Variants in ANKRD12 observed in about 807,000 individuals in gnomAD.
ANKRD12 encodes the protein ankyrin repeat domain-containing protein 12.
ANKRD12 carries 85 observed loss-of-function variants against 183.4 expected under a neutral mutation model. The observed-to-expected ratio is 0.46, with a 90% CI of 0.39 to 0.56. ANKRD12 has a LOEUF of 0.56. ANKRD12 is among the 20% of genes least tolerant of loss of function. The probability of loss-of-function intolerance (pLI) is 0.00; values close to 1 mark genes in which losing one functional copy is unlikely to be tolerated. For synonymous variants in ANKRD12, 914 were observed against 800.2 expected (o/e 1.14, Z -2.40); for missense variants, 2,405 against 2,357.1 (o/e 1.02, Z -0.42).
intron 5 of ANKRD12, among the ~76,000 whole-genome samples, chr18:9,209,196 T>TA (rs2035644764): frequency 6.6e-6 from 1 of 152,186 alleles, no homozygotes; most frequent in African/African-American, 2.4e-5. Flanking sequence ...GATGATGACT[T>TA]ACCAGCAGGA....
intron 7 of ANKRD12, among the ~76,000 whole-genome samples, chr18:9,218,819 C>T (rs539099940): frequency 1.3e-5 from 2 of 152,086 alleles, no homozygotes; most frequent in South Asian, 4.2e-4. Context: ...CAGGCACGCA[C>T]ACCATGCTAG....
rs202107981 is a variant in ANKRD12 at position 9,256,231 on chromosome 18, C to G, written c.2964C>G (p.Asp988Glu). The change falls in exon 9 of 13, where the codon GAC (aspartate) becomes GAG (glutamate). Residue 988 changes from aspartate to glutamate, a missense_variant. Physicochemically the swap from Asp to Glu is conservative, Grantham distance 45. This residue lies in a region of ANKRD12 where 1,983 missense variants were observed against 1,725.9 expected (regional missense o/e 1.15). Transcript: ENST00000262126. ...AAGAAAAAAAATCAAGTATAGTAGA[C>G]GGTAATAAAGCACAACATGAAAAAC... ...IQEEKKSSIVDGNKAQHEKPL... is the reference protein window; with the variant it reads ...IQEEKKSSIVEGNKAQHEKPL... 5 of 1,594,060 alleles carry G rather than the reference C, an allele frequency of 3.1e-6. No homozygotes were observed. The highest frequency in any genetic ancestry group is 1.8e-5 in the Admixed American group (1 of 55,362).
At position 9,277,311 on chromosome 18, in the gene ANKRD12, C is replaced by T. The variant is rs568968483; in HGVS notation, c.5907+1644C>T. The stretch of plus-strand genomic sequence containing the variant: ...CACTCCAGCCTGGATGACAGAGTGA[C>T]ACCCTGTTTCTTTTTTTTTTTTTTT... On this transcript the variant is annotated intron_variant, in intron 11 of 12. Coordinates refer to ENST00000262126, the MANE Select transcript of ANKRD12 (RefSeq NM_015208.5). 3.0e-3 allele frequency among the ~76,000 whole-genome samples: 446 copies of T among 148,568 alleles called. 1 individual carries two copies. Among genetic ancestry groups the T allele is most frequent in the South Asian group, 8.2e-3 (38 of 4,628 alleles).
intron 2 of ANKRD12, 43 bp from the exon 3 acceptor site, chr18:9,195,508 A>G: frequency 6.8e-7 from 1 of 1,469,706 alleles, no homozygotes; most frequent in Non-Finnish European, 9.2e-7. Context: ...TGTATTGCTT[A>G]GCTAATATTG....
At chr18:9,191,421 C>T (rs992763370) in intron 2 of ANKRD12, among the ~76,000 whole-genome samples, 2 of 152,026 alleles carry the variant, frequency 1.3e-5, no homozygotes, top group African/African-American at 2.4e-5. Context: ...CCGTATTGCA[C>T]AGGAGAACAT....
intron 1 of ANKRD12, among the ~76,000 whole-genome samples, chr18:9,142,392 T>C (rs549114721): frequency 5.9e-4 from 90 of 152,332 alleles, no homozygotes; most frequent in African/African-American, 2.1e-3. Flanking sequence ...TAAAAGTATC[T>C]GGAGTAATGT....
At position 9,255,095 on chromosome 18, in the gene ANKRD12, A is replaced by G. The variant is rs2145176446; in HGVS notation, c.1828A>G (p.Lys610Glu). 2 of 1,579,968 alleles carry G rather than the reference A, an allele frequency of 1.3e-6. No homozygotes were observed. Among genetic ancestry groups the G allele is most frequent in the East Asian group, 2.3e-5 (1 of 44,362 alleles). The change falls in exon 9 of 13, where the codon AAA becomes GAA. Residue 610 changes from lysine to glutamate, a missense_variant. Lys to Glu is a moderately conservative substitution (Grantham distance 56). This residue lies in a region of ANKRD12 where 1,983 missense variants were observed against 1,725.9 expected (regional missense o/e 1.15). Transcript: ENST00000262126. ...CKHKEKSKHQ[K>E]DFHLEFGEKS... is the part of the protein sequence containing the mutation. Reference sequence around the variant, plus strand: ...GCATAAGGAAAAAAGCAAACATCAGAAAGATTTCCACTTAGAATTTGGTGA... The same window carrying G: ...GCATAAGGAAAAAAGCAAACATCAGGAAGATTTCCACTTAGAATTTGGTGA...
At chr18:9,197,931 C>T (rs890629938) in intron 3 of ANKRD12, among the ~76,000 whole-genome samples, 8 of 152,080 alleles carry the variant, frequency 5.3e-5, no homozygotes, top group African/African-American at 1.9e-4. Context: ...TAATAGATGA[C>T]GTCTTTGGTT....
At chr18:9,222,485 A>G (rs911819273) in intron 8 of ANKRD12, among the ~76,000 whole-genome samples, 3 of 150,886 alleles carry the variant, frequency 2.0e-5, no homozygotes, top group African/African-American at 7.3e-5. Flanking sequence ...TTTTTTTTAA[A>G]CACAATTTTT....
At position 9,284,483 on chromosome 18, in the gene ANKRD12, T is replaced by C. The variant is rs897266831; in HGVS notation, c.*3357T>C. 2.0e-5 allele frequency: 3 copies of C among 152,234 alleles called. No individual in the cohort carries two copies. The highest frequency in any genetic ancestry group is 2.1e-4 in the South Asian group (1 of 4,838). 9.4% of individuals were successfully genotyped at this position (152,234 alleles called of 1,614,324 possible). On this transcript the variant is annotated 3_prime_UTR_variant, in exon 13 of 13. Coordinates refer to ENST00000262126, the MANE Select transcript of ANKRD12 (RefSeq NM_015208.5). The stretch of plus-strand genomic sequence containing the variant: ...TCTGTAAAACGCAATGAAATAGTCC[T>C]CTTTTTAAACAGTTTAAAGGAAGCA...
intron 7 of ANKRD12, among the ~76,000 whole-genome samples, chr18:9,217,449 A>T (rs191505123): frequency 6.6e-6 from 1 of 152,196 alleles, no homozygotes; most frequent in Admixed American, 6.6e-5. Flanking sequence ...GTAAATGCAC[A>T]TTGAAATTTA....
intron 3 of ANKRD12, among the ~76,000 whole-genome samples, chr18:9,197,879 A>G (rs1258338686): frequency 6.6e-6 from 1 of 152,170 alleles, no homozygotes; most frequent in Admixed American, 6.5e-5. Context: ...TTCAAGGTCA[A>G]TTGTATTTAT....
chr18:9,173,360 C>T (rs995037186), intron 1 of ANKRD12, among the ~76,000 whole-genome samples: 5 of 152,066 alleles, frequency 3.3e-5, no homozygotes, highest in Admixed American at 6.6e-5. Context: ...TGAGCCACCA[C>T]GCCTGGCCAG....
chr18:9,211,211 C>G (rs1269092782), intron 5 of ANKRD12, among the ~76,000 whole-genome samples: 1 of 152,042 alleles, frequency 6.6e-6, no homozygotes, highest in Non-Finnish European at 1.5e-5. Context: ...AGTGTGGACT[C>G]CAGCCTTCAA....
intron 8 of ANKRD12, among the ~76,000 whole-genome samples, chr18:9,226,692 T>G (rs1286248797): frequency 6.8e-6 from 1 of 145,994 alleles, no homozygotes; most frequent in Non-Finnish European, 1.5e-5. Context: ...CTAGACTGTG[T>G]GAACTCCATT....
intron 1 of ANKRD12, chr18:9,138,016 CGTGGTTA>C (rs2078181454): frequency 6.6e-6 from 1 of 152,218 alleles, no homozygotes; most frequent in African/African-American, 2.4e-5. Flanking sequence ...ACTGGACACC[CGTGGTTA>C]AACTGCGAAC....
chr18:9,241,412 C>A (rs1246531973), intron 8 of ANKRD12, among the ~76,000 whole-genome samples: 1 of 152,032 alleles, frequency 6.6e-6, no homozygotes, highest in Non-Finnish European at 1.5e-5. Flanking sequence ...GATAATAGTT[C>A]AAGTCTCGTA....
At chr18:9,186,797 G>A (rs1271241383) in intron 2 of ANKRD12, among the ~76,000 whole-genome samples, 1 of 148,768 alleles carries the variant, frequency 6.7e-6, no homozygotes, top group Non-Finnish European at 1.5e-5. Context: ...TTTTCCCCGG[G>A]CCGGAGTGGA....
intron 10 of ANKRD12, among the ~76,000 whole-genome samples, chr18:9,266,307 A>C (rs1181908316): frequency 1.3e-5 from 2 of 152,210 alleles, no homozygotes; most frequent in Non-Finnish European, 2.9e-5. Context: ...TCCAAGACAC[A>C]TAATTGTCAG....
Sources: allele counts gnomAD v4.1 joint callset (sites outside exome capture counted in the v4.1 genomes callset), GRCh38; gene constraint gnomAD v4.1.1; regional missense constraint gnomAD v4.1.1; transcripts MANE v1.5; gene names NCBI Gene and HGNC (gene_info 2026-07-23, HGNC 2026-07-21).